ACADS: variants seen among roughly 807,000 people sequenced by gnomAD.
The protein encoded by ACADS is short-chain specific acyl-CoA dehydrogenase, mitochondrial.
Under a neutral mutation model 46.8 loss-of-function variants are expected in ACADS, and 28 were observed. The ratio of observed to expected loss-of-function variants is 0.60; its 90% CI spans 0.44 to 0.82. The LOEUF is 0.82. Among genes scored for constraint, ACADS ranks in the 40% least tolerant of loss-of-function variants. The pLI is 0.00. For synonymous variants in ACADS, 236 were observed against 237.7 expected (o/e 0.99, Z 0.07); for missense variants, 528 against 578.0 (o/e 0.91, Z 0.89).
chr12:120,737,702 G>A, intron 4 of ACADS, 135 bp from the exon 5 acceptor site: 1 of 1,354,676 alleles, frequency 7.4e-7, no homozygotes, highest in Non-Finnish European at 1.0e-6. Context: ...ATCACTGAGA[G>A]CTTTGGGACC....
At chr12:120,733,049 G>A (rs1180467397) in intron 2 of ACADS, among the ~76,000 whole-genome samples, 2 of 151,954 alleles carry the variant, frequency 1.3e-5, no homozygotes, top group African/African-American at 2.4e-5. Flanking sequence ...GCGAAACCCC[G>A]TCTCCACCAA....
chr12:120,739,631 C>T lies in ACADS; in HGVS notation c.*183C>T. 1 of 697,754 alleles carries T rather than the reference C, an allele frequency of 1.4e-6. No individual in the cohort carries two copies. Among genetic ancestry groups the T allele is most frequent in the Non-Finnish European group, 2.4e-6 (1 of 424,680 alleles). The allele number at this position is 697,754 out of a possible 1,614,324, so 43.2% of individuals were successfully genotyped here. A position where few individuals can be genotyped will look rare whatever the true frequency, so the allele number is the denominator to read the frequency against. ...CCTCCGACCATTGGCAGCTCCGCCT[C>T]TGGGCCTTTCCGCCTCCTCACCACT... is the stretch of plus-strand genomic sequence containing the variant. On this transcript the variant is annotated 3_prime_UTR_variant, in exon 10 of 10. Coordinates refer to ENST00000242592, the MANE Select transcript of ACADS (RefSeq NM_000017.4).
In ACADS at chr12:120,733,714, C is replaced by T. The variant is rs542115925; in HGVS notation, c.211-3272C>T. On this transcript the variant is annotated intron_variant, in intron 2 of 9. Transcript: ENST00000242592. ...GACACCTCCCTGGTAGCTCTGAGTT[C>T]CCATTTGTCACTGTGGATGAGTTTC... 1.2e-3 allele frequency among the ~76,000 whole-genome samples: 190 copies of T among 152,132 alleles called. 3 individuals are homozygous for T. Among genetic ancestry groups the T allele is most frequent in the South Asian group, 0.011 (51 of 4,806 alleles).
intron 2 of ACADS, among the ~76,000 whole-genome samples, chr12:120,735,552 A>G (rs1403431436): frequency 6.6e-6 from 1 of 151,968 alleles, no homozygotes; most frequent in Non-Finnish European, 1.5e-5. Flanking sequence ...GTATAGAAAA[A>G]CAAGAATATA....
At chr12:120,737,676 C>A in intron 4 of ACADS, 161 bp from the exon 5 acceptor site, 1 of 1,158,230 alleles carries the variant, frequency 8.6e-7, no homozygotes, top group Admixed American at 2.1e-5. Context: ...GCACACCCCC[C>A]TCGCCCTCTG....
At chr12:120,737,783 C>T (rs982567332) in intron 4 of ACADS, 54 bp from the exon 5 acceptor site, 26 of 1,610,548 alleles carry the variant, frequency 1.6e-5, no homozygotes, top group Admixed American at 5.0e-5. Context: ...GAGGCTGGTG[C>T]CCTTAGGTTG....
chr12:120,739,281 C>T lies in ACADS; in HGVS notation c.1087-15C>T. 6.2e-7 allele frequency: 1 copy of T among 1,613,006 alleles called. No homozygotes were observed. Among genetic ancestry groups the T allele is most frequent in the Non-Finnish European group, 8.5e-7 (1 of 1,179,956 alleles). ...CCGGGGTCTTCTCCCTCCTGAGCCA[C>T]TGTTCTCATCTCAGGCCATCCAGAT... On this transcript the variant is annotated splice_polypyrimidine_tract_variant and intron_variant, in intron 9 of 9. Transcript: ENST00000242592.
rs528266975 is a variant in ACADS, at chr12:120,739,188, A to G, written c.1078A>G (p.Ser360Gly). The change falls in exon 9 of 10, where the codon AGC becomes GGC. Residue 360 changes from serine to glycine, a missense_variant. Coordinates refer to ENST00000242592, the MANE Select transcript of ACADS (RefSeq NM_000017.4). ...LAASEAATAISHQAIQILGGM... is the reference protein window; with the variant it reads ...LAASEAATAIGHQAIQILGGM... ...CGCCTCGGAGGCCGCGACCGCCATC[A>G]GCCACCAGGTGAGTGTCCACAGTGA... The G allele has an allele frequency of 6.2e-6, 10 of 1,613,040 alleles. No homozygotes were observed. In the African/African-American group the frequency reaches 1.2e-4, roughly 19 times the overall value.
At chr12:120,733,582 G>GCCTGCTGAAATGGTA (rs1883339089) in intron 2 of ACADS, among the ~76,000 whole-genome samples, 1 of 126,772 alleles carries the variant, frequency 7.9e-6, no homozygotes, top group Non-Finnish European at 1.9e-5. Flanking sequence ...CTGAAATGGT[G>GCCTGCTGAAATGGTA]CCTGCTGAAA....
chr12:120,739,604 G>A lies in ACADS; in HGVS notation c.*156G>A. 1.2e-6 allele frequency: 1 copy of A among 835,180 alleles called. No homozygotes were observed. The highest frequency in any genetic ancestry group is 1.8e-6 in the Non-Finnish European group (1 of 545,240). 51.7% of individuals were successfully genotyped at this position (835,180 alleles called of 1,614,324 possible). On this transcript the variant is annotated 3_prime_UTR_variant, in exon 10 of 10. Transcript: ENST00000242592. ...CCAGATCAGATCACATGGGAATGAG[G>A]CCCTCCGACCATTGGCAGCTCCGCC...
At chr12:120,731,991 A>C (rs576055725) in intron 2 of ACADS, among the ~76,000 whole-genome samples, 18 of 152,310 alleles carry the variant, frequency 1.2e-4, no homozygotes, top group Admixed American at 3.9e-4. Context: ...AGGCAGAAGA[A>C]TTTTTCTTAG....
intron 1 of ACADS, among the ~76,000 whole-genome samples, chr12:120,726,486 T>C (rs1239100964): frequency 1.3e-5 from 2 of 152,228 alleles, no homozygotes; most frequent in Non-Finnish European, 2.9e-5. Flanking sequence ...GTGACACATA[T>C]AGCCACGGCT....
rs1037300237 is a variant in ACADS at position 120,728,972 on chromosome 12, C to T, written c.210+1783C>T. On this transcript the variant is annotated intron_variant, in intron 2 of 9. Transcript: ENST00000242592. The surrounding 1 kb of genome is among the most constrained non-coding windows in gnomAD (Gnocchi z 4.0). ...CGGTTTCTCTTGGGAGTCTGGAGAC[C>T]ACCAGGCTCAGCCTCATCAGTGCTG... is the stretch of plus-strand genomic sequence containing the variant. 2.6e-5 allele frequency among the ~76,000 whole-genome samples: 4 copies of T among 152,136 alleles called. No individual in the cohort carries two copies. The highest frequency in any genetic ancestry group is 9.7e-5 in the African/African-American group (4 of 41,418).
intron 4 of ACADS, 98 bp from the exon 5 acceptor site, chr12:120,737,739 G>A: frequency 6.4e-7 from 1 of 1,557,836 alleles, no homozygotes; most frequent in Non-Finnish European, 8.8e-7. Context: ...GAGTCATAGG[G>A]TTTCGTGTCT....
In ACADS at chr12:120,725,972, C is replaced by G. The variant is rs750729288; in HGVS notation, c.46+41C>G. 6.0e-6 allele frequency: 9 copies of G among 1,502,138 alleles called. No homozygotes were observed. The African/African-American group carries it at 1.3e-4, about 22-fold the overall frequency. The allele number at this position is 1,502,138 out of a possible 1,614,324, so 93.1% of individuals were successfully genotyped here. Reference sequence around the variant, plus strand: ...ATCCGTACGGCGGGGCTTCAGCCCGCGTCTGGCCCAGCGGGCGGAGGTCCT... The same window carrying G: ...ATCCGTACGGCGGGGCTTCAGCCCGGGTCTGGCCCAGCGGGCGGAGGTCCT... On this transcript the variant is annotated intron_variant, in intron 1 of 9. Transcript: ENST00000242592.
Position 120,737,365 on chromosome 12 carries a change from C to T in ACADS, c.370C>T (p.Leu124=), listed in dbSNP as rs1388117296. The change falls in exon 4 of 10, where the codon CTG becomes TTG. Residue 124 remains leucine, a synonymous_variant. Transcript: ENST00000242592. The part of the protein sequence containing the change: ...VIMSVNNSLY[L]GPILKFGSKE... ...CCCGCTGTCCTCCTAGTCTCTCTACCTGGGGCCCATCTTGAAGTTTGGCTC... is the reference window on the plus strand; with the variant it reads ...CCCGCTGTCCTCCTAGTCTCTCTACTTGGGGCCCATCTTGAAGTTTGGCTC... 2 of 1,613,906 alleles carry T rather than the reference C, an allele frequency of 1.2e-6. No individual in the cohort carries two copies. Among genetic ancestry groups the T allele is most frequent in the African/African-American group, 2.7e-5 (2 of 74,952 alleles).
chr12:120,726,550 G>A (rs1434594364), intron 1 of ACADS, among the ~76,000 whole-genome samples: 7 of 152,200 alleles, frequency 4.6e-5, no homozygotes, highest in Admixed American at 3.9e-4. Flanking sequence ...TGTGTTAAGC[G>A]CTAGTTAGTC....
Position 120,728,405 on chromosome 12 carries a change from A to G in ACADS, c.210+1216A>G, listed in dbSNP as rs1032674563. 2.6e-5 allele frequency among the ~76,000 whole-genome samples: 4 copies of G among 151,782 alleles called. No homozygotes were observed. The highest frequency in any genetic ancestry group is 5.9e-5 in the Non-Finnish European group (4 of 67,986). ...TGTCCAGCACCTGGTGTAAACACTC[A>G]GTAGTAGATAGTTGTTTAATTAATG... On this transcript the variant is annotated intron_variant, in intron 2 of 9. Transcript: ENST00000242592. This position sits in a 1 kb window ranked among gnomAD's most constrained non-coding sequence, Gnocchi z 4.0.
Position 120,732,301 on chromosome 12 carries a change from G to A in ACADS, c.211-4685G>A, listed in dbSNP as rs967122470. Among the ~76,000 whole-genome samples the A allele has an allele frequency of 9.3e-5, 14 of 150,418 alleles. No individual in the cohort carries two copies. In the East Asian group the frequency reaches 9.8e-4, roughly 11 times the overall value. On this transcript the variant is annotated intron_variant, in intron 2 of 9. Transcript: ENST00000242592. ...TCCCTCCCGGACGGGGCGGCTGGCC[G>A]GGCGGGGGCTGCCCCCAACCTCCCT...
Sources: allele counts gnomAD v4.1 joint callset (sites outside exome capture counted in the v4.1 genomes callset), GRCh38; gene constraint gnomAD v4.1.1; non-coding constraint Gnocchi (gnomAD v3.1); transcripts MANE v1.5; gene names NCBI Gene and HGNC (gene_info 2026-07-23, HGNC 2026-07-21).